Variants in PXDNL observed in about 807,000 individuals in gnomAD.
PXDNL encodes the protein probable oxidoreductase PXDNL.
Under a neutral mutation model 150.8 loss-of-function variants are expected in PXDNL, and 145 were observed. The ratio of observed to expected loss-of-function variants is 0.96; its 90% confidence interval spans 0.84 to 1.10. The LOEUF (loss-of-function observed/expected upper bound fraction) is 1.10, where lower values mean the gene tolerates loss of function less well. Among genes scored for constraint, PXDNL ranks in the 50% least tolerant of loss-of-function variants. The pLI is 0.00. For synonymous variants in PXDNL, 757 were observed against 725.7 expected, an observed-to-expected ratio of 1.04 and a Z score of -0.69; for missense variants, 2,087 against 1,873.9, an observed-to-expected ratio of 1.11 and a Z score of -2.10.
At chr8:51,421,121 G>A (rs1174522388) in intron 14 of PXDNL, among the ~76,000 whole-genome samples, 1 of 152,204 alleles carries the variant, frequency 6.6e-6, no homozygotes, top group Admixed American at 6.5e-5. Flanking sequence ...ATGTGGAAGA[G>A]CAAGACAGAG....
intron 2 of PXDNL, among the ~76,000 whole-genome samples, chr8:51,628,017 A>G (rs1159433824): frequency 6.6e-6 from 1 of 152,198 alleles, no homozygotes; most frequent in Non-Finnish European, 1.5e-5. Context: ...TGTGGGCACA[A>G]GATTATAGTG....
intron 2 of PXDNL, among the ~76,000 whole-genome samples, chr8:51,651,336 T>C (rs1373295568): frequency 6.6e-6 from 1 of 152,230 alleles, no homozygotes; most frequent in Non-Finnish European, 1.5e-5. Context: ...TAGTGAATTT[T>C]ACGTAAAATG....
chr8:51,346,095 C>G, intron 19 of PXDNL, 148 bp from the exon 20 acceptor site: 1 of 543,784 alleles, frequency 1.8e-6, no homozygotes, highest in Non-Finnish European at 3.3e-6. Context: ...TTAGTCCGTT[C>G]CATTTTGCTG....
intron 4 of PXDNL, among the ~76,000 whole-genome samples, chr8:51,538,045 T>C (rs991069418): frequency 6.6e-6 from 1 of 152,202 alleles, no homozygotes; most frequent in African/African-American, 2.4e-5. Context: ...AATTGCATAA[T>C]GCAGAATAGA....
chr8:51,773,996 G>A (rs1268992011), intron 1 of PXDNL, among the ~76,000 whole-genome samples: 2 of 152,174 alleles, frequency 1.3e-5, no homozygotes, highest in African/African-American at 2.4e-5. Context: ...TGAAAAGATA[G>A]TTAATATGTA....
chr8:51,723,036 A>G (rs1158809805), intron 1 of PXDNL, among the ~76,000 whole-genome samples: 1 of 151,964 alleles, frequency 6.6e-6, no homozygotes, highest in Non-Finnish European at 1.5e-5. Context: ...GAGATGCAAA[A>G]TGGCCTCAAG....
intron 19 of PXDNL, among the ~76,000 whole-genome samples, chr8:51,367,099 T>C (rs1806944957): frequency 2.7e-5 from 1 of 37,484 alleles, no homozygotes; most frequent in Admixed American, 3.9e-4. Flanking sequence ...GACTCTTGTC[T>C]CAAAAAAAAA....
intron 1 of PXDNL, among the ~76,000 whole-genome samples, chr8:51,699,219 T>C (rs907068805): frequency 6.6e-6 from 1 of 152,226 alleles, no homozygotes; most frequent in South Asian, 2.1e-4. Context: ...TCCTAGATGG[T>C]ATTTTCTTCC....
At chr8:51,403,848 T>C (rs1808347354) in intron 17 of PXDNL, among the ~76,000 whole-genome samples, 1 of 152,188 alleles carries the variant, frequency 6.6e-6, no homozygotes, top group Admixed American at 6.5e-5. Flanking sequence ...TCTCACTGAC[T>C]TCAAGAATGA....
intron 4 of PXDNL, among the ~76,000 whole-genome samples, chr8:51,549,277 G>T (rs533435065): frequency 6.6e-6 from 1 of 151,994 alleles, no homozygotes; most frequent in Admixed American, 6.6e-5. Context: ...TCACCAAGAC[G>T]GAAAGTCCAC....
At chr8:51,447,276 G>T in intron 11 of PXDNL, 114 bp from the exon 12 acceptor site, 4 of 1,073,866 alleles carry the variant, frequency 3.7e-6, no homozygotes, top group Non-Finnish European at 5.3e-6. Flanking sequence ...CTCGGTGCTA[G>T]GGTGTACTGT....
intron 17 of PXDNL, among the ~76,000 whole-genome samples, chr8:51,384,437 C>A (rs1788537603): frequency 6.6e-6 from 1 of 151,932 alleles, no homozygotes; most frequent in East Asian, 1.9e-4. Context: ...AAAATTGTTT[C>A]TTTACTTGAA....
intron 4 of PXDNL, among the ~76,000 whole-genome samples, chr8:51,515,077 T>A (rs182600961): frequency 6.6e-6 from 1 of 152,304 alleles, no homozygotes; most frequent in Non-Finnish European, 1.5e-5. Context: ...GGCTGCGTCC[T>A]CGCCAGAGCT....
intron 17 of PXDNL, among the ~76,000 whole-genome samples, chr8:51,407,097 C>G (rs1334122322): frequency 6.6e-6 from 1 of 152,146 alleles, no homozygotes; most frequent in Admixed American, 6.6e-5. Flanking sequence ...GCTCTCGGTA[C>G]TATTGGGTGG....
intron 19 of PXDNL, among the ~76,000 whole-genome samples, chr8:51,348,895 G>A (rs1806248643): frequency 3.3e-5 from 5 of 152,152 alleles, no homozygotes; most frequent in Admixed American, 3.3e-4. Context: ...AGCACAGAAT[G>A]AGGAAAACAG....
At chr8:51,450,776 A>G (rs1049099570) in intron 10 of PXDNL, among the ~76,000 whole-genome samples, 1 of 152,166 alleles carries the variant, frequency 6.6e-6, no homozygotes, top group Non-Finnish European at 1.5e-5. Context: ...CAAATCAGCA[A>G]TCTCAGGCTC....
At chr8:51,557,366 G>C (rs1241102243) in intron 3 of PXDNL, among the ~76,000 whole-genome samples, 1 of 152,106 alleles carries the variant, frequency 6.6e-6, no homozygotes, top group Non-Finnish European at 1.5e-5. Flanking sequence ...ATCCTCCTGT[G>C]GCTGCTGTTG....
intron 7 of PXDNL, among the ~76,000 whole-genome samples, chr8:51,473,165 G>A (rs1316052502): frequency 1.3e-5 from 2 of 151,556 alleles, no homozygotes; most frequent in Non-Finnish European, 2.9e-5. Context: ...AAAATTCAAC[G>A]TCAGTTATGT....
At chr8:51,736,634 G>T (rs563827421) in intron 1 of PXDNL, among the ~76,000 whole-genome samples, 1 of 152,190 alleles carries the variant, frequency 6.6e-6, no homozygotes, top group Non-Finnish European at 1.5e-5. Flanking sequence ...ACCTGAAAGT[G>T]TGTCCCTGGC....
Sources: gnomAD v4.1 joint callset for allele counts (sites outside exome capture counted in the v4.1 genomes callset) on GRCh38, gnomAD v4.1.1 for gene constraint, MANE v1.5 for transcripts, NCBI Gene and HGNC (gene_info 2026-07-23, HGNC 2026-07-21) for gene names.